Variants in LRRK1 observed in about 807,000 individuals in gnomAD.
The protein encoded by LRRK1 is leucine-rich repeat serine/threonine-protein kinase 1.
LRRK1 carries 113 observed loss-of-function variants against 209.1 expected under a neutral mutation model. The ratio of observed to expected loss-of-function variants is 0.54; its 90% CI spans 0.46 to 0.63. The LOEUF (loss-of-function observed/expected upper bound fraction) is 0.63, where lower values mean the gene tolerates loss of function less well. Among genes scored for constraint, LRRK1 ranks in the 30% least tolerant of loss-of-function variants. The pLI, the probability that LRRK1 is intolerant of heterozygous loss-of-function variation, is 0.00. For synonymous variants in LRRK1, 1,144 were observed against 1,099.7 expected, an observed-to-expected ratio of 1.04 and a Z score of -0.80; for missense variants, 2,284 against 2,632.2, an observed-to-expected ratio of 0.87 and a Z score of 2.89.
At chr15:100,986,873 C>G (rs1379608836) in intron 4 of LRRK1, among the ~76,000 whole-genome samples, 3 of 152,206 alleles carry the variant, frequency 2.0e-5, no homozygotes, top group Admixed American at 2.0e-4. Context: ...TGTGTCCTTT[C>G]CCTGTAGTTT....
intron 6 of LRRK1, among the ~76,000 whole-genome samples, chr15:100,995,571 C>T (rs1054337554): frequency 3.9e-5 from 6 of 152,324 alleles, no homozygotes; most frequent in East Asian, 1.9e-4. Context: ...TCTAATGAGA[C>T]GGCCCGCGTT....
intron 2 of LRRK1, among the ~76,000 whole-genome samples, chr15:100,942,781 G>A (rs182921733): frequency 1.3e-5 from 2 of 152,224 alleles, no homozygotes; most frequent in East Asian, 3.9e-4. Flanking sequence ...AGTAAGCAAG[G>A]CTGACGATGG....
intron 31 of LRRK1, chr15:101,065,021 C>T: frequency 2.8e-6 from 1 of 362,098 alleles, no homozygotes; most frequent in Non-Finnish European, 5.1e-6. Context: ...AAGGCAGCTC[C>T]CTGCTGCTCG....
intron 6 of LRRK1, among the ~76,000 whole-genome samples, chr15:100,993,777 G>A (rs549302336): frequency 6.6e-6 from 1 of 152,212 alleles, no homozygotes; most frequent in Non-Finnish European, 1.5e-5. Flanking sequence ...TGTCCTATTA[G>A]TATATATTTT....
rs140527482 is a variant in LRRK1 at position 100,967,630 on chromosome 15, A to T, written c.98-6174A>T. ...CAAGCCATGCATTTGGAGTATAGAC[A>T]TTAGGACTCATATTTTCTCCCAACA... On this transcript the variant is annotated intron_variant, in intron 2 of 33. Coordinates refer to ENST00000388948, the MANE Select transcript of LRRK1 (RefSeq NM_024652.6). Among the ~76,000 whole-genome samples the T allele has an allele frequency of 5.5e-3, 840 of 151,636 alleles. 8 individuals are homozygous for T. The highest frequency in any genetic ancestry group is 0.019 in the African/African-American group (776 of 41,310).
chr15:100,960,743 T>C (rs2029888116), intron 2 of LRRK1, among the ~76,000 whole-genome samples: 1 of 152,196 alleles, frequency 6.6e-6, no homozygotes, highest in Non-Finnish European at 1.5e-5. Flanking sequence ...AGGTACTAAA[T>C]ATTTGTAGAA....
intron 2 of LRRK1, among the ~76,000 whole-genome samples, chr15:100,930,575 G>A (rs2042194334): frequency 6.6e-6 from 1 of 152,192 alleles, no homozygotes; most frequent in Non-Finnish European, 1.5e-5. Context: ...TATGTGGGGT[G>A]TGCAGGGCAG....
intron 2 of LRRK1, among the ~76,000 whole-genome samples, chr15:100,936,755 G>A (rs894756416): frequency 6.6e-6 from 1 of 152,206 alleles, no homozygotes; most frequent in African/African-American, 2.4e-5. Flanking sequence ...AACTGAGCTT[G>A]GGTGCTATCA....
intron 10 of LRRK1, among the ~76,000 whole-genome samples, chr15:101,013,585 G>C (rs1357764781): frequency 6.6e-6 from 1 of 152,132 alleles, no homozygotes; most frequent in Admixed American, 6.5e-5. Context: ...CTGCACTCCA[G>C]CCTAAGAAAC....
intron 2 of LRRK1, among the ~76,000 whole-genome samples, chr15:100,931,256 C>T (rs2042206426): frequency 6.6e-6 from 1 of 152,178 alleles, no homozygotes; most frequent in Non-Finnish European, 1.5e-5. Context: ...CTGGCGACAT[C>T]CTCTCATCCT....
At chr15:101,050,042 G>A (rs1213422733) in intron 23 of LRRK1, among the ~76,000 whole-genome samples, 1 of 152,178 alleles carries the variant, frequency 6.6e-6, no homozygotes, top group Admixed American at 6.5e-5. Context: ...GCCCACAGGC[G>A]TGGCAAGAAA....
At chr15:101,017,084 C>T (rs2033571830) in intron 12 of LRRK1, among the ~76,000 whole-genome samples, 1 of 152,232 alleles carries the variant, frequency 6.6e-6, no homozygotes. Context: ...CAGCTCTGCT[C>T]ACAGAAATAT....
intron 6 of LRRK1, among the ~76,000 whole-genome samples, chr15:101,005,873 C>A (rs544186882): frequency 3.9e-5 from 6 of 152,174 alleles, no homozygotes; most frequent in Non-Finnish European, 5.9e-5. Context: ...CTTTTCTATA[C>A]AGAAGAATGC....
At chr15:101,023,073 A>G (rs1034172724) in intron 15 of LRRK1, among the ~76,000 whole-genome samples, 15 of 152,112 alleles carry the variant, frequency 9.9e-5, no homozygotes, top group African/African-American at 3.6e-4. Flanking sequence ...AGGCACCCCC[A>G]GGGCTGAGAG....
At position 101,024,651 on chromosome 15, in the gene LRRK1, T is replaced by G. The variant is rs568094193; in HGVS notation, c.2068-152T>G. On this transcript the variant is annotated intron_variant, in intron 15 of 33. Coordinates refer to ENST00000388948, the MANE Select transcript of LRRK1 (RefSeq NM_024652.6). The surrounding 1 kb of genome is among the most constrained non-coding windows in gnomAD (Gnocchi z 4.6). ...CCTGTCCCTCGCCCAGATAACTGTT[T>G]CCTAAGAAACAATAGAGTGTCCAGA... The G allele has an allele frequency of 9.8e-6, 8 of 816,332 alleles. No homozygotes were observed. The African/African-American group carries it at 1.2e-4, about 12-fold the overall frequency. The allele number at this position is 816,332 out of a possible 1,614,324, so 50.6% of individuals were successfully genotyped here.
intron 6 of LRRK1, among the ~76,000 whole-genome samples, chr15:100,996,092 A>C (rs1291889406): frequency 6.6e-6 from 1 of 152,194 alleles, no homozygotes; most frequent in East Asian, 1.9e-4. Context: ...CGTGCTCATG[A>C]GAGTGCCTGA....
chr15:101,035,849 T>C (rs1393921843), intron 20 of LRRK1, among the ~76,000 whole-genome samples: 1 of 152,214 alleles, frequency 6.6e-6, no homozygotes, highest in East Asian at 1.9e-4. Flanking sequence ...TACTTTTGTG[T>C]GTTTTCATGA....
At chr15:100,957,735 T>A (rs1199849429) in intron 2 of LRRK1, among the ~76,000 whole-genome samples, 1 of 152,266 alleles carries the variant, frequency 6.6e-6, no homozygotes, top group Non-Finnish European at 1.5e-5. Flanking sequence ...GTTCTTGGAT[T>A]TTTTAATCTA....
intron 2 of LRRK1, among the ~76,000 whole-genome samples, chr15:100,949,063 G>C (rs1327583725): frequency 1.3e-5 from 2 of 152,090 alleles, no homozygotes; most frequent in East Asian, 1.9e-4. Context: ...AAAGCAGTAG[G>C]GAAAATCAGT....
Sources: allele counts gnomAD v4.1 joint callset (sites outside exome capture counted in the v4.1 genomes callset), GRCh38; gene constraint gnomAD v4.1.1; non-coding constraint Gnocchi (gnomAD v3.1); transcripts MANE v1.5; gene names NCBI Gene and HGNC (gene_info 2026-07-23, HGNC 2026-07-21).